The following GOLGB1 variants were observed in gnomAD, a reference collection of about 807,000 sequenced individuals.
The protein encoded by GOLGB1 is golgin subfamily B member 1.
A neutral mutation model predicts 336.9 loss-of-function variants in GOLGB1; 174 were observed. The ratio of observed to expected loss-of-function variants is 0.52; its 90% CI spans 0.46 to 0.59. The LOEUF (loss-of-function observed/expected upper bound fraction) is 0.59. GOLGB1 is among the 20% of genes least tolerant of loss of function. The pLI is 0.00. For synonymous variants in GOLGB1, 1,208 were observed against 1,289.2 expected, an observed-to-expected ratio of 0.94 and a Z score of 1.35; for missense variants, 3,331 against 3,645.3, an observed-to-expected ratio of 0.91 and a Z score of 2.22.
chr3:121,693,771 TG>T lies in GOLGB1; in HGVS notation c.6751del (p.His2251IlefsTer5). On this transcript the variant is annotated frameshift_variant, in exon 13 of 22. Coordinates refer to ENST00000614479, the MANE Select transcript of GOLGB1 (RefSeq NM_001366282.2). LOFTEE classifies it high-confidence loss of function. ...AATGTTAATCTTTAATTCTTCCATATGGATGGACATCTGTCTAAGTTGATCC... is the reference window on the plus strand; with the variant it reads ...AATGTTAATCTTTAATTCTTCCATATGATGGACATCTGTCTAAGTTGATCC... Reference protein sequence around the residue: ...LKDQLRQMSIHMEELKINISR... With the variant: ...LKDQLRQMSIXMEELKINISR... The T allele has an allele frequency of 6.2e-7, 1 of 1,608,408 alleles. No individual in the cohort carries two copies. The highest frequency in any genetic ancestry group is 8.5e-7 in the Non-Finnish European group (1 of 1,175,786).
rs764889699 is a variant in GOLGB1, at chr3:121,691,590, G to C, written c.7774C>G (p.Arg2592Gly). ...TCTTGTAGGGCATTAAAGGACCTCC[G>C]CAGATCCTCATTTGCTTCCTCAGAT... ...KESEEANEDL[R>G]RSFNALQEEK... The change falls in exon 14 of 22, where the codon CGG becomes GGG. Residue 2592 changes from arginine to glycine, a missense_variant. Coordinates refer to ENST00000614479, the MANE Select transcript of GOLGB1 (RefSeq NM_001366282.2). 7 of 1,613,476 alleles carry C rather than the reference G, an allele frequency of 4.3e-6. No homozygotes were observed. In the African/African-American group the frequency reaches 6.7e-5, roughly 15 times the overall value.
chr3:121,699,022 A>T (rs1943182712), intron 12 of GOLGB1, 93 bp from the exon 13 acceptor site: 11 of 961,012 alleles, frequency 1.1e-5, no homozygotes, highest in East Asian at 7.6e-5. Context: ...ATCTTCTAAA[A>T]CTTCAGACTT....
chr3:121,715,267 G>A (rs996987129), intron 9 of GOLGB1, among the ~76,000 whole-genome samples: 1 of 149,160 alleles, frequency 6.7e-6, no homozygotes. Context: ...GCAGTGGTGC[G>A]ATCTCGGCTC....
In GOLGB1 at chr3:121,693,903, T is replaced by C. The variant is rs758085742; in HGVS notation, c.6620A>G (p.Asp2207Gly). 3 of 1,614,090 alleles carry C rather than the reference T, an allele frequency of 1.9e-6. No homozygotes were observed. Among genetic ancestry groups the C allele is most frequent in the Admixed American group, 3.3e-5 (2 of 60,026 alleles). Residue 2207 changes from aspartate (D) to glycine (G), a missense_variant, in exon 13 of 22, where the codon GAC becomes GGC. Asp to Gly is a moderately conservative substitution (Grantham distance 94). Transcript: ENST00000614479. ...TTTCTTAGCTTCATCTATCACCCTGTCACGATCATCCTGGAGGGAAGACAT... is the reference window on the plus strand; with the variant it reads ...TTTCTTAGCTTCATCTATCACCCTGCCACGATCATCCTGGAGGGAAGACAT... ...KSMSSLQDDR[D>G]RVIDEAKKWE...
rs1211811772 is a variant in GOLGB1 at position 121,696,950 on chromosome 3, G to A, written c.3573C>T (p.Ser1191=). Residue 1191 remains serine (S), a synonymous_variant, in exon 13 of 22, where the codon TCC becomes TCT. Transcript: ENST00000614479. The stretch of plus-strand genomic sequence containing the variant: ...GTGCCTTTTTAAGAATTGCCTTGCG[G>A]GAGGTTAAGGCTTCCTGTAGCTTCT... ...LQKKLQEALT[S]RKAILKKAQE... 3.1e-6 allele frequency: 5 copies of A among 1,613,982 alleles called. No individual in the cohort carries two copies. In the South Asian group the frequency reaches 3.3e-5, roughly 11 times the overall value.
At chr3:121,681,958 CACA>C in intron 14 of GOLGB1, 93 bp from the exon 15 acceptor site, 1 of 802,118 alleles carries the variant, frequency 1.2e-6, no homozygotes, top group African/African-American at 1.7e-5. Context: ...AGTCAGACAC[CACA>C]ACATGAAACC....
In GOLGB1 at chr3:121,696,669, A is replaced by G. The variant is rs1408897772; in HGVS notation, c.3854T>C (p.Leu1285Ser). 1.2e-6 allele frequency: 2 copies of G among 1,614,002 alleles called. No individual in the cohort carries two copies. Among genetic ancestry groups the G allele is most frequent in the East Asian group, 4.5e-5 (2 of 44,888 alleles). Residue 1285 changes from leucine to serine, a missense_variant, in exon 13 of 22, where the codon TTA (leucine) becomes TCA (serine). By Grantham distance (145) the Leu-to-Ser change is moderately radical. Coordinates refer to ENST00000614479, the MANE Select transcript of GOLGB1 (RefSeq NM_001366282.2). ...ATEQHHTQPV[L>S]ESNLCPDWPS... ...CCAGTCTGGGCACAAGTTGGACTCT[A>G]AAACAGGTTGAGTGTGATGCTGTTC...
intron 6 of GOLGB1, among the ~76,000 whole-genome samples, chr3:121,721,560 G>A (rs1945200334): frequency 6.6e-6 from 1 of 152,206 alleles, no homozygotes; most frequent in African/African-American, 2.4e-5. Context: ...TTGAGCCCAG[G>A]AGACTGAGGC....
intron 1 of GOLGB1, among the ~76,000 whole-genome samples, chr3:121,739,731 GA>G (rs1222710689): frequency 2.0e-5 from 3 of 152,048 alleles, no homozygotes; most frequent in African/African-American, 7.2e-5. Context: ...TTAGAGAAAA[GA>G]AAACTTAAGT....
Position 121,698,889 on chromosome 3 carries a change from G to A in GOLGB1, c.1634C>T (p.Ala545Val). The A allele has an allele frequency of 6.3e-7, 1 of 1,598,232 alleles. No individual in the cohort carries two copies. The highest frequency in any genetic ancestry group is 1.1e-5 in the South Asian group (1 of 87,994). Residue 545 changes from alanine (A) to valine (V), a missense_variant, in exon 13 of 22, where the codon GCT becomes GTT. Coordinates refer to ENST00000614479, the MANE Select transcript of GOLGB1 (RefSeq NM_001366282.2). The stretch of plus-strand genomic sequence containing the variant: ...TAGAACATCTTGTCCACTTTCCTCA[G>A]CAGAAGAGCTCCTCTTGTTGGCAAT... The part of the protein sequence containing the change: ...VDIANKRSSS[A>V]EESGQDVLEN...
At chr3:121,665,673 C>G (rs1399011928) in intron 20 of GOLGB1, among the ~76,000 whole-genome samples, 1 of 152,198 alleles carries the variant, frequency 6.6e-6, no homozygotes, top group African/African-American at 2.4e-5. Flanking sequence ...ATTACTCACT[C>G]AATGGTTATG....
intron 1 of GOLGB1, among the ~76,000 whole-genome samples, chr3:121,735,958 A>C (rs1355055088): frequency 6.6e-6 from 1 of 152,150 alleles, no homozygotes; most frequent in Non-Finnish European, 1.5e-5. Context: ...GTGTTCAAAA[A>C]AGAAAAAGAA....
intron 15 of GOLGB1, among the ~76,000 whole-genome samples, chr3:121,679,492 C>T (rs940998106): frequency 5.9e-5 from 9 of 152,162 alleles, no homozygotes; most frequent in African/African-American, 1.9e-4. Flanking sequence ...TTCCATGACC[C>T]GGAAACACCA....
chr3:121,700,652 T>G (rs575190023), intron 11 of GOLGB1, among the ~76,000 whole-genome samples: 29 of 152,238 alleles, frequency 1.9e-4, no homozygotes, highest in African/African-American at 7.0e-4. Flanking sequence ...TTTTGTTCAC[T>G]CTGCTCTAAA....
chr3:121,691,577 T>C lies in GOLGB1; in HGVS notation c.7787A>G (p.Asn2596Ser). ...EANEDLRRSFNALQEEKQDLS... is the reference protein window; with the variant it reads ...EANEDLRRSFSALQEEKQDLS... ...ATCTTGTTTCTCTTCTTGTAGGGCA[T>C]TAAAGGACCTCCGCAGATCCTCATT... The change falls in exon 14 of 22, where the codon AAT (asparagine) becomes AGT (serine). Residue 2596 changes from asparagine to serine, a missense_variant. Transcript: ENST00000614479. 6.2e-7 allele frequency: 1 copy of C among 1,613,738 alleles called. No homozygotes were observed. Among genetic ancestry groups the C allele is most frequent in the Non-Finnish European group, 8.5e-7 (1 of 1,179,900 alleles).
rs148181706 is a variant in GOLGB1 at position 121,678,716 on chromosome 3, C to T, written c.8874-1266G>A. Among the ~76,000 whole-genome samples the T allele has an allele frequency of 9.4e-3, 1,425 of 152,180 alleles. 19 individuals carry two copies. The highest frequency in any genetic ancestry group is 0.032 in the African/African-American group (1,325 of 41,508). ...CCAAGCAGCTGGGATTACAGGCGCA[C>T]GCCACCATGCCCAGCTAATTTTTGT... On this transcript the variant is annotated intron_variant, in intron 15 of 21. Coordinates refer to ENST00000614479, the MANE Select transcript of GOLGB1 (RefSeq NM_001366282.2).
chr3:121,732,869 C>A (rs1946209175), intron 1 of GOLGB1, among the ~76,000 whole-genome samples: 1 of 152,006 alleles, frequency 6.6e-6, no homozygotes. Flanking sequence ...GAAGTCCCAG[C>A]CAATGCAACA....
chr3:121,730,296 G>C, intron 2 of GOLGB1: 1 of 285,248 alleles, frequency 3.5e-6, no homozygotes, highest in Non-Finnish European at 6.5e-6. Flanking sequence ...AAACCAGTAA[G>C]GGTAAAAGGC....
chr3:121,734,035 T>G (rs547371313), intron 1 of GOLGB1, among the ~76,000 whole-genome samples: 6 of 152,188 alleles, frequency 3.9e-5, no homozygotes, highest in Non-Finnish European at 5.9e-5. Flanking sequence ...AAATATTGAT[T>G]AAAAATTTAT....
Sources: allele counts gnomAD v4.1 joint callset (sites outside exome capture counted in the v4.1 genomes callset), GRCh38; gene constraint gnomAD v4.1.1; transcripts MANE v1.5; gene names NCBI Gene and HGNC (gene_info 2026-07-23, HGNC 2026-07-21).